Variants in TTLL9 observed in about 807,000 individuals in gnomAD.
The protein encoded by TTLL9 is tubulin tyrosine ligase like 9.
In TTLL9, 47 loss-of-function variants were observed where a neutral mutation model predicts 65.6. That is an observed-to-expected ratio of 0.72 (90% CI 0.57 to 0.91). The LOEUF is 0.91. Ranked by LOEUF, TTLL9 falls within the 40% of genes least tolerant of loss-of-function variation. The pLI, the probability that TTLL9 is intolerant of heterozygous loss-of-function variation, is 0.00. For missense variants in TTLL9, 537 were observed against 568.8 expected (o/e 0.94, Z 0.57); for synonymous variants, 179 against 204.8 (o/e 0.87, Z 1.07).
intron 2 of TTLL9, among the ~76,000 whole-genome samples, chr20:31,876,708 T>C (rs1435942904): frequency 6.6e-6 from 1 of 152,202 alleles, no homozygotes; most frequent in African/African-American, 2.4e-5. Context: ...GTAAGGTGTG[T>C]GCATTTTCAA....
chr20:31,893,732 GTT>G (rs2063342790), intron 3 of TTLL9, among the ~76,000 whole-genome samples: 1 of 151,226 alleles, frequency 6.6e-6, no homozygotes, highest in South Asian at 2.1e-4. Flanking sequence ...CCTGGGTGTA[GTT>G]TACGTTGTGT....
intron 6 of TTLL9, among the ~76,000 whole-genome samples, chr20:31,911,169 C>T (rs755954412): frequency 3.2e-4 from 48 of 150,894 alleles, no homozygotes; most frequent in Admixed American, 5.3e-4. Context: ...AGTGAGACTC[C>T]GTCTCAAAAA....
At chr20:31,924,774 A>G (rs1472874598) in intron 8 of TTLL9, among the ~76,000 whole-genome samples, 1 of 151,998 alleles carries the variant, frequency 6.6e-6, no homozygotes, top group Non-Finnish European at 1.5e-5. Flanking sequence ...ACAGAGTCTC[A>G]CTATGTTGCT....
intron 4 of TTLL9, among the ~76,000 whole-genome samples, chr20:31,903,147 G>A (rs540018288): frequency 6.6e-6 from 1 of 152,126 alleles, no homozygotes; most frequent in South Asian, 2.1e-4. Flanking sequence ...TGAGATTATA[G>A]GTGTGAGCCA....
Position 31,898,506 on chromosome 20 carries a change from C to A in TTLL9, c.147C>A (p.Thr49=), listed in dbSNP as rs113297228. ...GAGCATCGATCCGGTTCAAGACCAC[C>A]CTCATGAACACACTCATGGACGTCC... The part of the protein sequence containing the change: ...EQRASIRFKT[T]LMNTLMDVLR... The change falls in exon 4 of 15, where the codon ACC becomes ACA. Residue 49 remains threonine, a synonymous_variant. Transcript: ENST00000535842. 9.3e-6 allele frequency: 15 copies of A among 1,614,150 alleles called. No homozygotes were observed. The African/African-American group carries it at 1.1e-4, about 11-fold the overall frequency.
chr20:31,897,552 C>T (rs1310954635), intron 3 of TTLL9, among the ~76,000 whole-genome samples: 30 of 152,182 alleles, frequency 2.0e-4, no homozygotes, highest in African/African-American at 2.4e-5. Context: ...CCCCCTTTAA[C>T]ATCACCCCAG....
chr20:31,912,840 T>C (rs1027583722), intron 6 of TTLL9, among the ~76,000 whole-genome samples: 1 of 152,122 alleles, frequency 6.6e-6, no homozygotes, highest in Non-Finnish European at 1.5e-5. Context: ...CCCCTCCCCA[T>C]GCTATCAAGG....
chr20:31,943,883 A>G lies in TTLL9; in HGVS notation c.*862A>G, dbSNP rs773155838. 3 of 455,418 alleles carry G rather than the reference A, an allele frequency of 6.6e-6. No individual in the cohort carries two copies. Among genetic ancestry groups the G allele is most frequent in the Non-Finnish European group, 1.3e-5 (3 of 226,480 alleles). The allele number at this position is 455,418 out of a possible 1,614,324, so 28.2% of individuals were successfully genotyped here. A position where few individuals can be genotyped will look rare whatever the true frequency, so the allele number is the denominator to read the frequency against. ...CTGCCTTTTCACATCTTACATTGCT[A>G]AGCTTCCTCTTGGTTTAAGAGGGGT... is the stretch of plus-strand genomic sequence containing the variant. On this transcript the variant is annotated 3_prime_UTR_variant, in exon 15 of 15. Coordinates refer to ENST00000535842, the MANE Select transcript of TTLL9 (RefSeq NM_001008409.5).
At chr20:31,938,551 G>A (rs1220035776) in intron 13 of TTLL9, among the ~76,000 whole-genome samples, 2 of 152,194 alleles carry the variant, frequency 1.3e-5, no homozygotes, top group African/African-American at 2.4e-5. Flanking sequence ...TGGAGTTTAA[G>A]GTCTGAGGAG....
At chr20:31,898,407 C>T in intron 3 of TTLL9, 66 bp from the exon 4 acceptor site, 18 of 1,414,210 alleles carry the variant, frequency 1.3e-5, no homozygotes, top group Middle Eastern at 3.6e-4. Context: ...CTCCTTTTTT[C>T]CTCTCCTTGC....
At chr20:31,923,240 T>C (rs2063840346) in intron 8 of TTLL9, among the ~76,000 whole-genome samples, 187 bp downstream of exon 8, 1 of 152,200 alleles carries the variant, frequency 6.6e-6, no homozygotes, top group South Asian at 2.1e-4. Context: ...CTGCCCGGCA[T>C]GTCCATTCCA....
intron 3 of TTLL9, among the ~76,000 whole-genome samples, chr20:31,890,142 C>CTTTCTTTCT (rs1568753417): frequency 1.6e-4 from 4 of 25,130 alleles, no homozygotes; most frequent in African/African-American, 1.1e-3. Flanking sequence ...TCCTTCCTTC[C>CTTTCTTTCT]TTCCTTCCTT....
intron 14 of TTLL9, among the ~76,000 whole-genome samples, chr20:31,941,526 A>G (rs2064209217): frequency 1.3e-5 from 2 of 151,912 alleles, no homozygotes; most frequent in Admixed American, 1.3e-4. Context: ...AGGTGATTCC[A>G]ATATGCAGCC....
At chr20:31,884,007 GC>G (rs1278285371) in intron 2 of TTLL9, 1 of 496,640 alleles carries the variant, frequency 2.0e-6, no homozygotes, top group Non-Finnish European at 3.7e-6. Context: ...AAGTAAGTCT[GC>G]CTTTATTCAC....
chr20:31,925,090 AAGGGTGGCTGGGCTAGGGAG>A lies in TTLL9; in HGVS notation c.705+43_705+62del, dbSNP rs758752005. On this transcript the variant is annotated intron_variant, in intron 9 of 14. Coordinates refer to ENST00000535842, the MANE Select transcript of TTLL9 (RefSeq NM_001008409.5). ...GGGGGCCCTCCTCCAGCAGGGGTTA[AAGGGTGGCTGGGCTAGGGAG>A]ATGGGGGGAAGAGGCCTGGGGGTAC... The A allele has an allele frequency of 5.0e-6, 8 of 1,603,628 alleles. No homozygotes were observed. In the African/African-American group the frequency reaches 9.4e-5, roughly 19 times the overall value.
At chr20:31,908,558 T>C (rs1285207396) in intron 4 of TTLL9, 33 bp from the exon 5 acceptor site, 2 of 1,524,036 alleles carry the variant, frequency 1.3e-6, no homozygotes, top group Non-Finnish European at 1.8e-6. Flanking sequence ...CCTCAGACCA[T>C]GACCTTTATC....
Position 31,870,718 on chromosome 20 carries a change from C to A in TTLL9, c.-237C>A. On this transcript the variant is annotated 5_prime_UTR_variant, in exon 1 of 15. Coordinates refer to ENST00000535842, the MANE Select transcript of TTLL9 (RefSeq NM_001008409.5). This position sits in a 1 kb window ranked among gnomAD's most constrained non-coding sequence, Gnocchi z 6.6. ...CCACCTCCGGAGGTGGGGGCGGGGGCCTTACCCCACCCTGGCACCGGCAGG... is the reference window on the plus strand; with the variant it reads ...CCACCTCCGGAGGTGGGGGCGGGGGACTTACCCCACCCTGGCACCGGCAGG... 2 of 658,262 alleles carry A rather than the reference C, an allele frequency of 3.0e-6. No homozygotes were observed. Among genetic ancestry groups the A allele is most frequent in the Non-Finnish European group, 4.4e-6 (2 of 451,086 alleles). 40.8% of individuals were successfully genotyped at this position (658,262 alleles called of 1,614,324 possible).
chr20:31,909,728 G>C lies in TTLL9; in HGVS notation c.319-9G>C, dbSNP rs184586319. The stretch of plus-strand genomic sequence containing the variant: ...GAGCTAATGGCCGCCTGTCCTTCCC[G>C]CCACCCAGCTGACCCGGAAGAACTA... On this transcript the variant is annotated splice_polypyrimidine_tract_variant and intron_variant, in intron 5 of 14. Transcript: ENST00000535842. 1 of 1,611,748 alleles carries C rather than the reference G, an allele frequency of 6.2e-7. No individual in the cohort carries two copies. The highest frequency in any genetic ancestry group is 1.1e-5 in the South Asian group (1 of 90,856).
Position 31,934,780 on chromosome 20 carries a change from A to G in TTLL9, c.896A>G (p.Asp299Gly). ...GTGGAGACACTCTTCAGGGACATCGACAACATCTTTGTCAAAAGCCTGCAG... is the reference window on the plus strand; with the variant it reads ...GTGGAGACACTCTTCAGGGACATCGGCAACATCTTTGTCAAAAGCCTGCAG... Reference protein sequence around the residue: ...EAVETLFRDIDNIFVKSLQSV... With the variant: ...EAVETLFRDIGNIFVKSLQSV... The change falls in exon 12 of 15, where the codon GAC becomes GGC. Residue 299 changes from aspartate (D) to glycine (G), a missense_variant. Asp to Gly is a moderately conservative substitution (Grantham distance 94, BLOSUM62 -1). Transcript: ENST00000535842. 1 of 1,613,762 alleles carries G rather than the reference A, an allele frequency of 6.2e-7. No individual in the cohort carries two copies. Among genetic ancestry groups the G allele is most frequent in the Non-Finnish European group, 8.5e-7 (1 of 1,180,016 alleles).
Sources: allele counts gnomAD v4.1 joint callset (sites outside exome capture counted in the v4.1 genomes callset), GRCh38; gene constraint gnomAD v4.1.1; non-coding constraint Gnocchi (gnomAD v3.1); transcripts MANE v1.5; gene names NCBI Gene and HGNC (gene_info 2026-07-23, HGNC 2026-07-21).